SH3PXD2B: variants seen among roughly 807,000 people sequenced by gnomAD.
SH3PXD2B encodes the protein SH3 and PX domain-containing protein 2B.
A neutral mutation model predicts 73.1 loss-of-function variants in SH3PXD2B; 37 were observed. The ratio of observed to expected loss-of-function variants is 0.51; its 90% CI spans 0.39 to 0.67. The LOEUF (loss-of-function observed/expected upper bound fraction) is 0.67. Among genes scored for constraint, SH3PXD2B ranks in the 30% least tolerant of loss-of-function variants. The pLI is 0.00. For synonymous variants in SH3PXD2B, 457 were observed against 480.5 expected (o/e 0.95, Z 0.64); for missense variants, 1,053 against 1,197.8 (o/e 0.88, Z 1.78).
chr5:172,408,941 T>C (rs1043726543), intron 2 of SH3PXD2B, among the ~76,000 whole-genome samples: 3 of 152,238 alleles, frequency 2.0e-5, no homozygotes, highest in Admixed American at 6.5e-5. Context: ...TCACATAATA[T>C]GTAGTGATCA....
rs551045634 is a variant in SH3PXD2B, at chr5:172,424,582, A to G, written c.76-2086T>C. ...AGGAGAAGGTTCTTCAGGTGAGAAGAGACGAAAAATGTTAGGATAAATCAG... is the reference window on the plus strand; with the variant it reads ...AGGAGAAGGTTCTTCAGGTGAGAAGGGACGAAAAATGTTAGGATAAATCAG... On this transcript the variant is annotated intron_variant, in intron 1 of 12. Transcript: ENST00000311601. 2.1e-3 allele frequency among the ~76,000 whole-genome samples: 314 copies of G among 152,368 alleles called. 1 individual carries two copies. The highest frequency in any genetic ancestry group is 3.7e-3 in the South Asian group (18 of 4,830).
chr5:172,351,970 C>T (rs1014315789), intron 9 of SH3PXD2B, among the ~76,000 whole-genome samples: 7 of 152,018 alleles, frequency 4.6e-5, no homozygotes, highest in South Asian at 2.1e-4. Context: ...AGATGGGAGG[C>T]GATGTGCAGT....
At chr5:172,332,027 C>T (rs78704416), downstream of SH3PXD2B, among the ~76,000 whole-genome samples, 7,983 of 152,178 alleles carry the variant, frequency 0.052, 238 homozygotes, top group Middle Eastern at 0.065. Flanking sequence ...AGGAAGGTCA[C>T]GGGACAGAAA....
At chr5:172,362,112 A>C (rs1273084048) in intron 7 of SH3PXD2B, among the ~76,000 whole-genome samples, 1 of 152,242 alleles carries the variant, frequency 6.6e-6, no homozygotes, top group East Asian at 1.9e-4. Flanking sequence ...CACAAGTTTA[A>C]GCACTCTTTG....
At chr5:172,442,053 T>C (rs1351803015) in intron 1 of SH3PXD2B, among the ~76,000 whole-genome samples, 4 of 152,206 alleles carry the variant, frequency 2.6e-5, no homozygotes, top group Admixed American at 2.0e-4. Context: ...AAATAAAATG[T>C]AGACAATTTA....
chr5:172,343,598 C>T (rs1001597372), intron 12 of SH3PXD2B, among the ~76,000 whole-genome samples: 5 of 151,892 alleles, frequency 3.3e-5, no homozygotes, highest in Admixed American at 1.3e-4. Context: ...GTCAGGAGTT[C>T]GAGACTAGCC....
chr5:172,403,276 G>C (rs1015089896), intron 3 of SH3PXD2B, among the ~76,000 whole-genome samples: 1 of 152,196 alleles, frequency 6.6e-6, no homozygotes, highest in African/African-American at 2.4e-5. Flanking sequence ...TCCTGGGATG[G>C]AAAACTGTGC....
chr5:172,443,772 C>T (rs993365264), intron 1 of SH3PXD2B, among the ~76,000 whole-genome samples: 2 of 152,260 alleles, frequency 1.3e-5, no homozygotes, highest in African/African-American at 2.4e-5. Context: ...TCTTTGCCAG[C>T]ACAGCGGGCG....
rs187661302 is a variant in SH3PXD2B at position 172,334,740 on chromosome 5, G to T, written c.*3629C>A. The T allele has an allele frequency of 9.7e-4, 954 of 985,448 alleles. 7 individuals carry two copies. The African/African-American group carries it at 0.015, about 16-fold the overall frequency. 61.0% of individuals were successfully genotyped at this position (985,448 alleles called of 1,614,324 possible). A position where few individuals can be genotyped will look rare whatever the true frequency, so the allele number is the denominator to read the frequency against. ...TTTTCCCACTCTGTGCTGGGTACTT[G>T]GGAGAGGCGAAATAAATACCAGACT... On this transcript the variant is annotated 3_prime_UTR_variant, in exon 13 of 13. Transcript: ENST00000311601.
chr5:172,449,369 C>T (rs1312908045), intron 1 of SH3PXD2B, among the ~76,000 whole-genome samples: 2 of 152,172 alleles, frequency 1.3e-5, no homozygotes, highest in Non-Finnish European at 1.5e-5. Context: ...ATGTTTCTCC[C>T]AGACACAAGG....
chr5:172,332,028 G>A (rs1387532018), downstream of SH3PXD2B, among the ~76,000 whole-genome samples: 3 of 152,200 alleles, frequency 2.0e-5, no homozygotes, highest in East Asian at 1.9e-4. Context: ...GGAAGGTCAC[G>A]GGACAGAAAT....
rs35951290 is a variant in SH3PXD2B at position 172,333,540 on chromosome 5, TAA to T, written c.*4827_*4828del. 12,450 of 982,926 alleles carry T rather than the reference TAA, an allele frequency of 0.013. 4 individuals are homozygous for T. The highest frequency in any genetic ancestry group is 0.043 in the South Asian group (2,017 of 46,382). The allele number at this position is 982,926 out of a possible 1,614,324, so 60.9% of individuals were successfully genotyped here. A position where few individuals can be genotyped will look rare whatever the true frequency, so the allele number is the denominator to read the frequency against. ...AAACCAGTCAAGCACTTTTTTTATT[TAA>T]AAAAAAAAAAAGGAAAGAAGTCAAA... On this transcript the variant is annotated 3_prime_UTR_variant, in exon 13 of 13. Coordinates refer to ENST00000311601, the MANE Select transcript of SH3PXD2B (RefSeq NM_001017995.3).
intron 1 of SH3PXD2B, among the ~76,000 whole-genome samples, chr5:172,431,760 T>C (rs964544193): frequency 6.6e-6 from 1 of 152,178 alleles, no homozygotes; most frequent in Non-Finnish European, 1.5e-5. Context: ...AGAACACTGA[T>C]TTAGCAAATA....
chr5:172,387,838 T>C (rs1023672624), intron 4 of SH3PXD2B, among the ~76,000 whole-genome samples: 2 of 152,238 alleles, frequency 1.3e-5, no homozygotes, highest in African/African-American at 4.8e-5. Flanking sequence ...TTGGTATCCT[T>C]TTTGTATCTT....
chr5:172,446,902 CT>C (rs1299077544), intron 1 of SH3PXD2B, among the ~76,000 whole-genome samples: 2 of 152,220 alleles, frequency 1.3e-5, no homozygotes, highest in African/African-American at 2.4e-5. Context: ...GTATTTTAAA[CT>C]CATCGCTTTC....
chr5:172,439,964 T>C (rs1331616646), intron 1 of SH3PXD2B, among the ~76,000 whole-genome samples: 2 of 152,166 alleles, frequency 1.3e-5, no homozygotes, highest in Non-Finnish European at 2.9e-5. Flanking sequence ...CGTGGGGAAC[T>C]TTCCAATGGC....
chr5:172,359,387 C>CAAAAAAAAAAAAAAAAAAAAAAAAAA (rs70982393), intron 7 of SH3PXD2B, among the ~76,000 whole-genome samples: 2 of 84,078 alleles, frequency 2.4e-5, no homozygotes, highest in African/African-American at 9.6e-5. Context: ...ACCCCCATCT[C>CAAAAAAAAAAAAAAAAAAAAAAAAAA]AAAAAAAAAA....
At chr5:172,340,077 C>T (rs1316629419) in intron 12 of SH3PXD2B, among the ~76,000 whole-genome samples, 161 bp from the exon 13 acceptor site, 1 of 152,206 alleles carries the variant, frequency 6.6e-6, no homozygotes, top group Non-Finnish European at 1.5e-5. Flanking sequence ...GAGATGTTAC[C>T]ATGTTCCGGG....
Position 172,348,638 on chromosome 5 carries a change from GTATCTATCTATCTATCCTATC to G in SH3PXD2B, c.1013-1327_1013-1307del, listed in dbSNP as rs1281179626. Among the ~76,000 whole-genome samples the G allele has an allele frequency of 1.5e-3, 109 of 72,560 alleles. 1 individual carries two copies. The highest frequency in any genetic ancestry group is 5.3e-3 in the East Asian group (3 of 564). 47.6% of individuals were successfully genotyped at this position (72,560 alleles called of 152,430 possible). A position where few individuals can be genotyped will look rare whatever the true frequency, so the allele number is the denominator to read the frequency against. On this transcript the variant is annotated intron_variant, in intron 10 of 12. Transcript: ENST00000311601. Reference sequence around the variant, plus strand: ...TGAATCTATCTATGTATCTATCTATGTATCTATCTATCTATCCTATCTATCTATCTATCTATCTATCTATCT... The same window carrying G: ...TGAATCTATCTATGTATCTATCTATGTATCTATCTATCTATCTATCTATCT...
Sources: gnomAD v4.1 joint callset for allele counts (sites outside exome capture counted in the v4.1 genomes callset) on GRCh38, gnomAD v4.1.1 for gene constraint, MANE v1.5 for transcripts, NCBI Gene and HGNC (gene_info 2026-07-23, HGNC 2026-07-21) for gene names.